The following TEC variants were observed in gnomAD, a reference collection of about 807,000 sequenced individuals.
TEC encodes the protein tyrosine-protein kinase Tec.
TEC carries 72 observed loss-of-function variants against 93.0 expected under a neutral mutation model. The ratio of observed to expected loss-of-function variants is 0.77; its 90% CI spans 0.64 to 0.94. The LOEUF is 0.94. Among genes scored for constraint, TEC ranks in the 40% least tolerant of loss-of-function variants. TEC has a pLI of 0.00. For missense variants in TEC, 630 were observed against 757.9 expected (o/e 0.83, Z 1.98); for synonymous variants, 249 against 247.7 (o/e 1.01, Z -0.05).
At chr4:48,138,288 C>T (rs781404254) in intron 17 of TEC, among the ~76,000 whole-genome samples, 5 of 152,010 alleles carry the variant, frequency 3.3e-5, no homozygotes, top group South Asian at 2.1e-4. Context: ...TCAAAGACCT[C>T]GGAAAGTTGA....
At chr4:48,256,211 G>C (rs1040041942) in intron 1 of TEC, among the ~76,000 whole-genome samples, 1 of 152,158 alleles carries the variant, frequency 6.6e-6, no homozygotes, top group African/African-American at 2.4e-5. Context: ...GCATACAACA[G>C]AACAATGCCA....
intron 1 of TEC, among the ~76,000 whole-genome samples, chr4:48,241,369 T>C (rs1356182436): frequency 6.6e-6 from 1 of 152,208 alleles, no homozygotes; most frequent in Non-Finnish European, 1.5e-5. Flanking sequence ...GTAGCCCTGC[T>C]TGATTTTTTT....
At position 48,191,161 on chromosome 4, in the gene TEC, T is replaced by C. The variant is rs142762147; in HGVS notation, c.139-14975A>G. 2.5e-4 allele frequency among the ~76,000 whole-genome samples: 38 copies of C among 152,340 alleles called. No individual in the cohort carries two copies. In the East Asian group the frequency reaches 7.3e-3, roughly 29 times the overall value. On this transcript the variant is annotated intron_variant, in intron 2 of 17. Coordinates refer to ENST00000381501, the MANE Select transcript of TEC (RefSeq NM_003215.3). ...GGATCTTAAAATTATTAGATTAACA[T>C]AACCTATCTCCTAGATTATTTTCAG... is the stretch of plus-strand genomic sequence containing the variant.
At chr4:48,218,226 T>C (rs1577648126) in intron 2 of TEC, among the ~76,000 whole-genome samples, 2 of 152,294 alleles carry the variant, frequency 1.3e-5, no homozygotes, top group African/African-American at 4.8e-5. Flanking sequence ...TCTAAGAATA[T>C]GAGTTTTCAA....
intron 2 of TEC, among the ~76,000 whole-genome samples, chr4:48,179,042 C>T (rs1007808849): frequency 6.6e-6 from 1 of 152,114 alleles, no homozygotes; most frequent in Non-Finnish European, 1.5e-5. Context: ...CCCTTAGTGG[C>T]CCTGACTTTG....
intron 1 of TEC, among the ~76,000 whole-genome samples, chr4:48,236,572 G>A (rs1185612345): frequency 1.3e-5 from 2 of 152,176 alleles, no homozygotes; most frequent in African/African-American, 2.4e-5. Flanking sequence ...GTGAGCCACC[G>A]CGCCGGGCCA....
chr4:48,210,296 A>G (rs866139841), intron 2 of TEC, among the ~76,000 whole-genome samples: 2 of 152,050 alleles, frequency 1.3e-5, no homozygotes, highest in African/African-American at 4.8e-5. Flanking sequence ...CAGCCTAGGC[A>G]ACATAGCAAG....
intron 4 of TEC, 148 bp downstream of exon 4, chr4:48,171,220 T>C: frequency 1.5e-6 from 1 of 651,706 alleles, no homozygotes; most frequent in Non-Finnish European, 2.5e-6. Context: ...TGGTATAACT[T>C]ACAACAACAG....
intron 1 of TEC, among the ~76,000 whole-genome samples, chr4:48,249,850 A>T (rs1295680523): frequency 6.6e-6 from 1 of 152,244 alleles, no homozygotes. Flanking sequence ...TTATACAAGT[A>T]GACACTAATA....
At chr4:48,177,366 A>G (rs1440409384) in intron 2 of TEC, among the ~76,000 whole-genome samples, 1 of 152,206 alleles carries the variant, frequency 6.6e-6, no homozygotes. Flanking sequence ...ATAGAAGAAA[A>G]AGTAGAGAAA....
intron 9 of TEC, among the ~76,000 whole-genome samples, chr4:48,156,326 C>T (rs770981701): frequency 3.3e-5 from 5 of 152,134 alleles, no homozygotes; most frequent in African/African-American, 4.8e-5. Context: ...TCTAACCTCA[C>T]CAGTGGTCAT....
At chr4:48,253,366 C>T (rs1428968713) in intron 1 of TEC, among the ~76,000 whole-genome samples, 1 of 152,070 alleles carries the variant, frequency 6.6e-6, no homozygotes, top group East Asian at 1.9e-4. Context: ...TCTCTTCTCT[C>T]TAAAGCCCGT....
chr4:48,183,324 G>A (rs1376997031), intron 2 of TEC, among the ~76,000 whole-genome samples: 1 of 152,204 alleles, frequency 6.6e-6, no homozygotes, highest in Non-Finnish European at 1.5e-5. Context: ...GGAACTCTGT[G>A]ATGGTTAATT....
intron 2 of TEC, among the ~76,000 whole-genome samples, chr4:48,224,915 G>A (rs1218173492): frequency 3.3e-5 from 5 of 152,132 alleles, no homozygotes; most frequent in Admixed American, 6.5e-5. Flanking sequence ...GAGTTTTAAC[G>A]AGTATTAGTG....
intron 1 of TEC, among the ~76,000 whole-genome samples, chr4:48,232,157 C>T (rs1447333141): frequency 2.6e-5 from 4 of 151,880 alleles, no homozygotes; most frequent in African/African-American, 7.3e-5. Context: ...GGTGAGGTGG[C>T]GGGTGCCTGT....
At chr4:48,138,196 A>C (rs532080603) in intron 17 of TEC, among the ~76,000 whole-genome samples, 2 of 152,260 alleles carry the variant, frequency 1.3e-5, no homozygotes, top group Non-Finnish European at 2.9e-5. Context: ...TGCCTGGTAC[A>C]TAATACATGT....
chr4:48,183,486 A>C (rs1041167787), intron 2 of TEC, among the ~76,000 whole-genome samples: 44 of 152,242 alleles, frequency 2.9e-4, no homozygotes, highest in African/African-American at 9.6e-4. Context: ...GATGGGCATC[A>C]TCCAATCCGA....
intron 1 of TEC, among the ~76,000 whole-genome samples, chr4:48,254,251 G>A (rs1724283349): frequency 6.6e-6 from 1 of 152,202 alleles, no homozygotes. Context: ...TGACAAAGAG[G>A]TTGGTGGCAA....
chr4:48,251,652 T>C (rs1724204490), intron 1 of TEC, among the ~76,000 whole-genome samples: 1 of 152,212 alleles, frequency 6.6e-6, no homozygotes, highest in African/African-American at 2.4e-5. Context: ...CAGATTGAAT[T>C]GGACATGATT....
Sources: gnomAD v4.1 joint callset for allele counts (sites outside exome capture counted in the v4.1 genomes callset) on GRCh38, gnomAD v4.1.1 for gene constraint, MANE v1.5 for transcripts, NCBI Gene and HGNC (gene_info 2026-07-23, HGNC 2026-07-21) for gene names.